MSI2: variants seen among roughly 807,000 people sequenced by gnomAD.
MSI2 encodes the protein RNA-binding protein Musashi homolog 2.
In MSI2, 17 loss-of-function variants were observed where a neutral mutation model predicts 45.6. The ratio of observed to expected loss-of-function variants is 0.37; its 90% CI spans 0.26 to 0.56. The LOEUF is 0.56. Among genes scored for constraint, MSI2 ranks in the 20% least tolerant of loss-of-function variants. MSI2 has a pLI of 0.77. For synonymous variants in MSI2, 156 were observed against 158.2 expected, an observed-to-expected ratio of 0.99 and a Z score of 0.11; for missense variants, 293 against 444.2, an observed-to-expected ratio of 0.66 and a Z score of 3.06.
chr17:57,528,456 C>T (rs896484139), intron 6 of MSI2, among the ~76,000 whole-genome samples: 5 of 152,144 alleles, frequency 3.3e-5, no homozygotes, highest in East Asian at 1.9e-4. Flanking sequence ...AGACAGAGGA[C>T]GCCTTTGCTA....
At chr17:57,443,991 G>A (rs555168367) in intron 6 of MSI2, among the ~76,000 whole-genome samples, 14 of 152,262 alleles carry the variant, frequency 9.2e-5, no homozygotes, top group African/African-American at 1.9e-4. Context: ...GCTGACATCC[G>A]GTCATCATCT....
intron 6 of MSI2, among the ~76,000 whole-genome samples, chr17:57,464,214 A>G (rs1252687014): frequency 6.6e-6 from 1 of 152,152 alleles, no homozygotes; most frequent in African/African-American, 2.4e-5. Context: ...AGGCTGAGGC[A>G]GATGGATCAC....
intron 5 of MSI2, among the ~76,000 whole-genome samples, chr17:57,398,725 G>A (rs915635648): frequency 3.3e-5 from 5 of 152,182 alleles, no homozygotes; most frequent in African/African-American, 1.2e-4. Context: ...TTGTATGGTA[G>A]GCTAATCATT....
chr17:57,361,971 G>T (rs574095326), intron 5 of MSI2, among the ~76,000 whole-genome samples: 1 of 152,240 alleles, frequency 6.6e-6, no homozygotes, highest in Non-Finnish European at 1.5e-5. Flanking sequence ...AATTATTTTG[G>T]TCAAAATCTA....
chr17:57,618,196 C>G (rs1291786608), intron 9 of MSI2: 2 of 151,738 alleles, frequency 1.3e-5, no homozygotes, highest in Non-Finnish European at 2.9e-5. Flanking sequence ...CTGGGCTGTG[C>G]AGATTTGGTG....
intron 5 of MSI2, among the ~76,000 whole-genome samples, chr17:57,297,763 A>G (rs1293528461): frequency 2.6e-5 from 4 of 152,196 alleles, no homozygotes; most frequent in Admixed American, 2.0e-4. Context: ...AGGTAATATT[A>G]TTAATCCTTT....
chr17:57,463,691 G>A (rs768751281), intron 6 of MSI2, among the ~76,000 whole-genome samples: 8 of 152,190 alleles, frequency 5.3e-5, no homozygotes, highest in Admixed American at 1.3e-4. Context: ...CCATTCAGCA[G>A]TGTGAACCCA....
chr17:57,389,292 T>C (rs1237078445), intron 5 of MSI2, among the ~76,000 whole-genome samples: 6 of 152,198 alleles, frequency 3.9e-5, no homozygotes, highest in Non-Finnish European at 8.8e-5. Context: ...GCTCTTCTTT[T>C]TAATAGCTGG....
chr17:57,625,352 G>T (rs1402916167), intron 9 of MSI2, among the ~76,000 whole-genome samples: 2 of 152,206 alleles, frequency 1.3e-5, no homozygotes, highest in African/African-American at 4.8e-5. Context: ...ACATCCACCA[G>T]GAAGTGAGGG....
intron 5 of MSI2, among the ~76,000 whole-genome samples, chr17:57,308,897 T>G (rs949559118): frequency 6.6e-6 from 1 of 152,156 alleles, no homozygotes; most frequent in Non-Finnish European, 1.5e-5. Context: ...GAGGGTACAG[T>G]TGGGCTATTT....
At chr17:57,367,281 TA>T (rs1263286722) in intron 5 of MSI2, among the ~76,000 whole-genome samples, 1 of 152,180 alleles carries the variant, frequency 6.6e-6, no homozygotes, top group Non-Finnish European at 1.5e-5. Context: ...GAATTGTGAT[TA>T]AAATGTTTTT....
At chr17:57,554,492 C>T (rs1347147189) in intron 7 of MSI2, among the ~76,000 whole-genome samples, 1 of 152,272 alleles carries the variant, frequency 6.6e-6, no homozygotes, top group South Asian at 2.1e-4. Flanking sequence ...TGTGCACACG[C>T]GCTTGTTTGG....
At chr17:57,340,257 C>A (rs1020312441) in intron 5 of MSI2, among the ~76,000 whole-genome samples, 1 of 152,258 alleles carries the variant, frequency 6.6e-6, no homozygotes, top group African/African-American at 2.4e-5. Context: ...AAGGAGTCGG[C>A]CTCCAGACGC....
At chr17:57,334,311 C>T (rs1914517140) in intron 5 of MSI2, among the ~76,000 whole-genome samples, 1 of 152,116 alleles carries the variant, frequency 6.6e-6, no homozygotes, top group South Asian at 2.1e-4. Flanking sequence ...TGAAATAGCC[C>T]TTCAGGGTCC....
chr17:57,371,888 A>G (rs1339323619), intron 5 of MSI2, among the ~76,000 whole-genome samples: 1 of 151,344 alleles, frequency 6.6e-6, no homozygotes, highest in East Asian at 1.9e-4. Flanking sequence ...TGAAAAATAT[A>G]TAAAGGAGCT....
chr17:57,644,054 C>T (rs1910457809), intron 10 of MSI2, among the ~76,000 whole-genome samples: 1 of 152,198 alleles, frequency 6.6e-6, no homozygotes, highest in African/African-American at 2.4e-5. Flanking sequence ...ACACTCACTC[C>T]CCAGCACCCC....
chr17:57,567,916 G>A (rs2087776313), intron 7 of MSI2, among the ~76,000 whole-genome samples: 1 of 152,224 alleles, frequency 6.6e-6, no homozygotes, highest in African/African-American at 2.4e-5. Flanking sequence ...TACCTTTACT[G>A]AATCCTTCCA....
At chr17:57,633,205 T>G (rs1002969696) in intron 10 of MSI2, 50 of 1,010,652 alleles carry the variant, frequency 4.9e-5, no homozygotes, top group Admixed American at 1.8e-4. Flanking sequence ...CTGCCGTCTC[T>G]TAGCCTGACA....
In MSI2 at chr17:57,374,036, TA is replaced by T. The variant is rs373395471; in HGVS notation, c.313-27341del. Among the ~76,000 whole-genome samples the T allele has an allele frequency of 4.3e-3, 648 of 152,224 alleles. 13 individuals are homozygous for T. The highest frequency in any genetic ancestry group is 0.015 in the African/African-American group (634 of 41,522). ...TCTACTTAGTAAACAGATCAAATGA[TA>T]AGAAATAGACTTCAGTTCTGTGTTA... On this transcript the variant is annotated intron_variant, in intron 5 of 13. Coordinates refer to ENST00000284073, the MANE Select transcript of MSI2 (RefSeq NM_138962.4).
Sources: gnomAD v4.1 joint callset for allele counts (sites outside exome capture counted in the v4.1 genomes callset) on GRCh38, gnomAD v4.1.1 for gene constraint, MANE v1.5 for transcripts, NCBI Gene and HGNC (gene_info 2026-07-23, HGNC 2026-07-21) for gene names.